Variants in MSRB3 observed in about 807,000 individuals in gnomAD.
The protein encoded by MSRB3 is methionine-R-sulfoxide reductase B3.
MSRB3 carries 13 observed loss-of-function variants against 21.0 expected under a neutral mutation model. That is an observed-to-expected ratio of 0.62 (90% CI 0.40 to 0.98). The LOEUF is 0.98. Ranked by LOEUF, MSRB3 falls within the 50% of genes least tolerant of loss-of-function variation. The pLI is 0.00. For synonymous variants in MSRB3, 87 were observed against 88.6 expected (o/e 0.98, Z 0.10); for missense variants, 199 against 230.3 (o/e 0.86, Z 0.88).
rs957917335 is a variant in MSRB3, at chr12:65,377,688, A to G, written c.292+8662A>G. Among the ~76,000 whole-genome samples the G allele has an allele frequency of 2.6e-5, 4 of 152,352 alleles. No homozygotes were observed. The East Asian group carries it at 7.7e-4, about 29-fold the overall frequency. On this transcript the variant is annotated intron_variant, in intron 5 of 6. Transcript: ENST00000308259. ...TTTTTGTTCTTTAATAGTAATAGAA[A>G]TACATAACTAATGATGGAAGATTTA... is the stretch of plus-strand genomic sequence containing the variant.
At chr12:65,395,616 C>G (rs1315964161) in intron 5 of MSRB3, among the ~76,000 whole-genome samples, 1 of 152,028 alleles carries the variant, frequency 6.6e-6, no homozygotes, top group African/African-American at 2.4e-5. Context: ...TGGTAAAATT[C>G]ACCAGTGAAC....
intron 5 of MSRB3, among the ~76,000 whole-genome samples, chr12:65,432,983 G>A (rs180986349): frequency 1.4e-3 from 205 of 149,362 alleles, no homozygotes; most frequent in African/African-American, 4.8e-3. Flanking sequence ...AATAATAAGT[G>A]TTGGAGAGGA....
At chr12:65,388,132 A>C (rs144600453) in intron 5 of MSRB3, among the ~76,000 whole-genome samples, 2 of 152,210 alleles carry the variant, frequency 1.3e-5, no homozygotes, top group African/African-American at 2.4e-5. Context: ...CACATATTTA[A>C]CAAGTTTAAA....
At chr12:65,438,586 T>C (rs1322115467) in intron 5 of MSRB3, among the ~76,000 whole-genome samples, 1 of 151,886 alleles carries the variant, frequency 6.6e-6, no homozygotes, top group Non-Finnish European at 1.5e-5. Context: ...CAGTTTCTCA[T>C]CTGCAATCCT....
intron 1 of MSRB3, among the ~76,000 whole-genome samples, chr12:65,293,487 GCTACA>G (rs1427263963): frequency 1.3e-5 from 2 of 152,060 alleles, no homozygotes; most frequent in African/African-American, 4.8e-5. Flanking sequence ...TCTTCAATAA[GCTACA>G]CTCTTACCTC....
chr12:65,380,030 A>T (rs1013115476), intron 5 of MSRB3, among the ~76,000 whole-genome samples: 1 of 152,242 alleles, frequency 6.6e-6, no homozygotes, highest in African/African-American at 2.4e-5. Flanking sequence ...CTGTAGGTTC[A>T]GGGTAATTTG....
intron 1 of MSRB3, among the ~76,000 whole-genome samples, chr12:65,291,913 T>A (rs1872686241): frequency 6.6e-6 from 1 of 152,148 alleles, no homozygotes; most frequent in Non-Finnish European, 1.5e-5. Flanking sequence ...TTTAAAATAA[T>A]AACTCCAGCT....
At chr12:65,285,848 C>T (rs914698124) in intron 1 of MSRB3, 1 of 152,140 alleles carries the variant, frequency 6.6e-6, no homozygotes, top group Non-Finnish European at 1.5e-5. Flanking sequence ...CCCAAAAAAC[C>T]AGGAAGTGTT....
intron 4 of MSRB3, among the ~76,000 whole-genome samples, chr12:65,354,141 C>G (rs529298177): frequency 6.0e-4 from 91 of 152,136 alleles, no homozygotes; most frequent in Admixed American, 2.7e-3. Flanking sequence ...CGACCTTTCT[C>G]TCTGGCTGCC....
At chr12:65,326,158 TCTC>T (rs764256979) in intron 2 of MSRB3, among the ~76,000 whole-genome samples, 2 of 152,226 alleles carry the variant, frequency 1.3e-5, no homozygotes, top group Non-Finnish European at 2.9e-5. Context: ...GAAAATGCCT[TCTC>T]CTGTAGTTTA....
In MSRB3 at chr12:65,311,988, G is replaced by T. The variant is rs1302851387; in HGVS notation, c.76+3333G>T. Among the ~76,000 whole-genome samples the T allele has an allele frequency of 5.9e-5, 9 of 151,840 alleles. No homozygotes were observed. The East Asian group carries it at 1.7e-3, about 29-fold the overall frequency. ...TGGTTCACTCATGTTTGCAATTAAA[G>T]GTAATTTTTCTCTCGCAGAATTTCT... On this transcript the variant is annotated intron_variant, in intron 2 of 6. Transcript: ENST00000308259.
chr12:65,332,073 A>C (rs559637333), intron 4 of MSRB3, among the ~76,000 whole-genome samples: 1 of 152,326 alleles, frequency 6.6e-6, no homozygotes, highest in South Asian at 2.1e-4. Flanking sequence ...TAAAGGGCCC[A>C]GCCCCATTTT....
intron 2 of MSRB3, chr12:65,316,273 T>C (rs950428289): frequency 6.6e-6 from 1 of 152,088 alleles, no homozygotes; most frequent in Admixed American, 6.6e-5. Flanking sequence ...TGTATTATAT[T>C]ATATTATATT....
chr12:65,437,746 T>A (rs1882185850), intron 5 of MSRB3, among the ~76,000 whole-genome samples: 1 of 151,834 alleles, frequency 6.6e-6, no homozygotes, highest in African/African-American at 2.4e-5. Flanking sequence ...TAATAATTGA[T>A]CTAAGCCAAT....
chr12:65,369,135 T>C (rs1376436047), intron 5 of MSRB3, 109 bp downstream of exon 5: 1 of 821,248 alleles, frequency 1.2e-6, no homozygotes, highest in African/African-American at 1.7e-5. Flanking sequence ...ACTAGGCGGT[T>C]TCTTTCCAAA....
chr12:65,279,524 G>C (rs1350540087), intron 1 of MSRB3: 2 of 152,222 alleles, frequency 1.3e-5, no homozygotes, highest in African/African-American at 4.8e-5. Context: ...CCAGGTATCA[G>C]TTTTGCTTTG....
chr12:65,386,418 C>G (rs1202379972), intron 5 of MSRB3, among the ~76,000 whole-genome samples: 2 of 151,840 alleles, frequency 1.3e-5, no homozygotes, highest in African/African-American at 4.8e-5. Flanking sequence ...TAAGGGTGGA[C>G]TCTTTTTTCT....
intron 2 of MSRB3, among the ~76,000 whole-genome samples, chr12:65,320,004 A>C (rs891028860): frequency 3.3e-5 from 5 of 152,136 alleles, no homozygotes; most frequent in East Asian, 1.9e-4. Context: ...CAGCACTAAA[A>C]CATATGGTCT....
At position 65,449,452 on chromosome 12, in the gene MSRB3, A is replaced by G. The variant is rs566095780; in HGVS notation, c.293-4276A>G. Among the ~76,000 whole-genome samples the G allele has an allele frequency of 9.2e-5, 14 of 152,252 alleles. No homozygotes were observed. The East Asian group carries it at 2.7e-3, about 29-fold the overall frequency. ...GATTCCAGCTACAAATAATCTGAAT[A>G]CTACAAATTTTGAAATATGGCCTTG... On this transcript the variant is annotated intron_variant, in intron 5 of 6. Coordinates refer to ENST00000308259, the MANE Select transcript of MSRB3 (RefSeq NM_001031679.3).
Sources: gnomAD v4.1 joint callset for allele counts (sites outside exome capture counted in the v4.1 genomes callset) on GRCh38, gnomAD v4.1.1 for gene constraint, MANE v1.5 for transcripts, NCBI Gene and HGNC (gene_info 2026-07-23, HGNC 2026-07-21) for gene names.